DOP1B: variants seen among roughly 807,000 people sequenced by gnomAD.
DOP1B encodes the protein DOP1 leucine zipper like protein B, also known as protein DOP1B.
A neutral mutation model predicts 233.5 loss-of-function variants in DOP1B; 174 were observed. That is an observed-to-expected ratio of 0.75 (90% CI 0.66 to 0.85). DOP1B has a LOEUF of 0.85. DOP1B is among the 40% of genes least tolerant of loss of function. DOP1B has a pLI of 0.00. For missense variants in DOP1B, 2,652 were observed against 2,846.6 expected (o/e 0.93, Z 1.56); for synonymous variants, 1,190 against 1,185.6 (o/e 1.00, Z -0.08).
intron 32 of DOP1B, among the ~76,000 whole-genome samples, chr21:36,283,018 T>G (rs981921755): frequency 5.7e-4 from 86 of 150,730 alleles, no homozygotes; most frequent in African/African-American, 1.9e-3. Flanking sequence ...TACGTGATTG[T>G]CAGGGTTTTT....
chr21:36,237,331 T>C lies in DOP1B; in HGVS notation c.2692T>C (p.Leu898=), dbSNP rs1456336509. ...GGAGCATCACGTCACCTGCGTAGAA[T>C]TGTTCTACCGGCTGCACTGCCTGGC... ...TREHHVTCVE[L]FYRLHCLAPT... is the part of the protein sequence containing the mutation. Residue 898 remains leucine, a synonymous_variant, in exon 16 of 37, where the codon TTG becomes CTG. Transcript: ENST00000691173. 5 of 1,614,174 alleles carry C rather than the reference T, an allele frequency of 3.1e-6. No homozygotes were observed. In the South Asian group the frequency reaches 4.4e-5, roughly 14 times the overall value.
chr21:36,276,639 G>A (rs958625016), intron 27 of DOP1B, among the ~76,000 whole-genome samples: 5 of 152,090 alleles, frequency 3.3e-5, no homozygotes, highest in Admixed American at 1.3e-4. Flanking sequence ...CCAGGAGTTC[G>A]AGACCAGCCT....
In DOP1B at chr21:36,260,893, G is replaced by T. The variant is rs2067162029; in HGVS notation, c.5315+161G>T. On this transcript the variant is annotated intron_variant, in intron 24 of 36. Transcript: ENST00000691173. ...ATTTCTTCCCAAGGTATTGATCTAT[G>T]CTTTTCCTTCTCCAGAGAGTTAACA... The T allele has an allele frequency of 2.1e-6, 3 of 1,447,068 alleles. No individual in the cohort carries two copies. In the African/African-American group the frequency reaches 4.3e-5, roughly 21 times the overall value. The allele number at this position is 1,447,068 out of a possible 1,614,324, so 89.6% of individuals were successfully genotyped here.
chr21:36,223,629 A>C (rs924206967), intron 11 of DOP1B, among the ~76,000 whole-genome samples: 2 of 141,282 alleles, frequency 1.4e-5, no homozygotes, highest in African/African-American at 4.9e-5. Context: ...TTTTCTGGTT[A>C]CATTCATCAA....
intron 4 of DOP1B, among the ~76,000 whole-genome samples, chr21:36,202,956 A>G (rs939810005): frequency 1.3e-5 from 2 of 152,226 alleles, no homozygotes; most frequent in Admixed American, 1.3e-4. Flanking sequence ...ATATGTGAGT[A>G]TACATCCTAC....
In DOP1B at chr21:36,245,278, G is replaced by A; in HGVS notation, c.3298G>A (p.Ala1100Thr). Residue 1100 changes from alanine (A) to threonine (T), a missense_variant, in exon 19 of 37, where the codon GCC becomes ACC. Transcript: ENST00000691173. The surrounding 1 kb of genome is among the most constrained non-coding windows in gnomAD (Gnocchi z 5.5). ...PYYVELPDRT[A>T]HGAPDSSEHT... ...CTACGTGGAGCTTCCAGACAGGACG[G>A]CCCACGGCGCCCCGGACAGCAGCGA... 1 of 1,614,072 alleles carries A rather than the reference G, an allele frequency of 6.2e-7. No individual in the cohort carries two copies.
chr21:36,271,524 G>A (rs58314862), intron 27 of DOP1B, among the ~76,000 whole-genome samples: 3 of 152,046 alleles, frequency 2.0e-5, no homozygotes, highest in South Asian at 2.1e-4. Context: ...CACCCACCTC[G>A]GCCTCCCAAA....
At position 36,246,230 on chromosome 21, in the gene DOP1B, G is replaced by A. The variant is rs1601445730; in HGVS notation, c.4250G>A (p.Ser1417Asn). ...AHHGRALPED[S>N]LFEESLINLG... ...CACGGCAGGGCCCTGCCAGAGGACA[G>A]CCTCTTTGAGGAGAGTCTCATTAAC... Residue 1417 changes from serine (S) to asparagine (N), a missense_variant, in exon 19 of 37, where the codon AGC becomes AAC. Physicochemically the swap from Ser to Asn is conservative, Grantham distance 46. Around this residue, in one of 3 missense-constraint regions of DOP1B, gnomAD observed 2,617 missense variants for 2,794.3 expected, o/e 0.94. Transcript: ENST00000691173. The surrounding 1 kb of genome is among the most constrained non-coding windows in gnomAD (Gnocchi z 5.1). 6.2e-7 allele frequency: 1 copy of A among 1,613,886 alleles called. No individual in the cohort carries two copies. Among genetic ancestry groups the A allele is most frequent in the Non-Finnish European group, 8.5e-7 (1 of 1,180,042 alleles).
rs372733663 is a variant in DOP1B, at chr21:36,239,814, G to A, written c.2926G>A (p.Gly976Ser). Residue 976 changes from glycine (G) to serine (S), a missense_variant, in exon 18 of 37, where the codon GGT (glycine) becomes AGT (serine). Physicochemically the swap from Gly to Ser is moderately conservative, Grantham distance 56. Transcript: ENST00000691173. Reference sequence around the variant, plus strand: ...CCTGGCCTGCACGGATGGTGCCATCGGTGCGGCAGCCCAGGGCTGGCTGGT... The same window carrying A: ...CCTGGCCTGCACGGATGGTGCCATCAGTGCGGCAGCCCAGGGCTGGCTGGT... ...DSLACTDGAI[G>S]AAAQGWLVRA... The A allele has an allele frequency of 2.9e-5, 46 of 1,563,988 alleles. No homozygotes were observed. The highest frequency in any genetic ancestry group is 3.8e-5 in the Non-Finnish European group (44 of 1,155,428).
At chr21:36,280,981 G>A (rs544856127) in intron 31 of DOP1B, among the ~76,000 whole-genome samples, 4 of 151,578 alleles carry the variant, frequency 2.6e-5, no homozygotes, top group African/African-American at 7.3e-5. Context: ...CAGCCTGGGC[G>A]ACAGAGCGAA....
chr21:36,213,375 T>C (rs77292955), intron 7 of DOP1B, among the ~76,000 whole-genome samples: 1,980 of 152,208 alleles, frequency 0.013, 35 homozygotes, highest in African/African-American at 0.043. Flanking sequence ...GCCCATACCA[T>C]GAGGATGCAC....
rs775529085 is a variant in DOP1B at position 36,230,495 on chromosome 21, G to T, written c.1711G>T (p.Ala571Ser). The T allele has an allele frequency of 1.2e-6, 2 of 1,612,646 alleles. No individual in the cohort carries two copies. The highest frequency in any genetic ancestry group is 1.7e-6 in the Non-Finnish European group (2 of 1,178,862). ...CGGCAAAATAATTTTGGAAACAAAGGCAGTGATTCCCGGTGACGAAGATGC... is the reference window on the plus strand; with the variant it reads ...CGGCAAAATAATTTTGGAAACAAAGTCAGTGATTCCCGGTGACGAAGATGC... ...ENGKIILETK[A>S]VIPGDEDASF... The change falls in exon 14 of 37, where the codon GCA becomes TCA. Residue 571 changes from alanine to serine, a missense_variant. Ala to Ser is a moderately conservative substitution (Grantham distance 99). This residue lies in a region of DOP1B where 2,617 missense variants were observed against 2,794.3 expected (regional missense o/e 0.94). Coordinates refer to ENST00000691173, the MANE Select transcript of DOP1B (RefSeq NM_001320714.2).
Position 36,251,204 on chromosome 21 carries a change from G to A in DOP1B, c.5041G>A (p.Ala1681Thr). Residue 1681 changes from alanine (A) to threonine (T), a missense_variant, in exon 22 of 37, where the codon GCC (alanine) becomes ACC (threonine). Around this residue, in one of 3 missense-constraint regions of DOP1B, gnomAD observed 2,617 missense variants for 2,794.3 expected, o/e 0.94. Transcript: ENST00000691173. The stretch of plus-strand genomic sequence containing the variant: ...TTTAGACTTCTTAAACCCCTTGACG[G>A]CCCATCTTGGGGTTCAGTTGACAGC... ...KILDFLNPLT[A>T]HLGVQLTAAV... 6.2e-7 allele frequency: 1 copy of A among 1,613,974 alleles called. No individual in the cohort carries two copies. Among genetic ancestry groups the A allele is most frequent in the Non-Finnish European group, 8.5e-7 (1 of 1,179,992 alleles).
intron 26 of DOP1B, among the ~76,000 whole-genome samples, chr21:36,264,142 C>A (rs926543830): frequency 2.0e-5 from 3 of 152,240 alleles, no homozygotes; most frequent in African/African-American, 7.2e-5. Flanking sequence ...TATTTCCCCC[C>A]AGACGCGGTG....
chr21:36,270,568 A>G (rs1371796960), intron 27 of DOP1B, among the ~76,000 whole-genome samples: 1 of 149,596 alleles, frequency 6.7e-6, no homozygotes, highest in African/African-American at 2.5e-5. Context: ...AAAAAAAAAA[A>G]AAAAAAAAAA....
chr21:36,198,738 G>T (rs918481647), intron 2 of DOP1B, among the ~76,000 whole-genome samples: 5 of 152,224 alleles, frequency 3.3e-5, no homozygotes, highest in African/African-American at 1.2e-4. Context: ...CAGCCTGGAA[G>T]GCTTTAATCC....
At chr21:36,205,211 C>T (rs2066413976) in intron 4 of DOP1B, among the ~76,000 whole-genome samples, 1 of 152,196 alleles carries the variant, frequency 6.6e-6, no homozygotes, top group African/African-American at 2.4e-5. Context: ...ATTTGCGGTG[C>T]CCGGCCCATG....
chr21:36,224,442 A>C (rs754010704), intron 11 of DOP1B, among the ~76,000 whole-genome samples: 4 of 151,890 alleles, frequency 2.6e-5, no homozygotes, highest in Non-Finnish European at 5.9e-5. Context: ...GGCCTCCCAA[A>C]TTGCTGGGAT....
At chr21:36,164,582 C>G (rs957560567) in intron 1 of DOP1B, 126 bp from the exon 2 acceptor site, 2 of 603,256 alleles carry the variant, frequency 3.3e-6, no homozygotes, top group South Asian at 3.6e-5. Flanking sequence ...AATATTTGAA[C>G]AGGATTGCCC....
Sources: allele counts gnomAD v4.1 joint callset (sites outside exome capture counted in the v4.1 genomes callset), GRCh38; gene constraint gnomAD v4.1.1; regional missense constraint gnomAD v4.1.1; non-coding constraint Gnocchi (gnomAD v3.1); transcripts MANE v1.5; gene names NCBI Gene and HGNC (gene_info 2026-07-23, HGNC 2026-07-21).